HOXC5: variants seen among roughly 807,000 people sequenced by gnomAD.
HOXC5 encodes the protein homeobox C5.
In HOXC5, 19 loss-of-function variants were observed where a neutral mutation model predicts 20.1. The ratio of observed to expected loss-of-function variants is 0.94; its 90% CI spans 0.66 to 1.38. HOXC5 has a LOEUF of 1.38. Ranked by LOEUF, HOXC5 falls within the 40% of genes most tolerant of loss-of-function variation. The probability of loss-of-function intolerance (pLI) is 0.00; values close to 1 mark genes in which losing one functional copy is unlikely to be tolerated. For missense variants in HOXC5, 330 were observed against 300.1 expected (o/e 1.10, Z -0.74); for synonymous variants, 124 against 117.0 (o/e 1.06, Z -0.39).
the HOXC5 span, among the ~76,000 whole-genome samples, chr12:54,023,466 T>C: frequency 5.3e-5 from 8 of 152,154 alleles, no homozygotes; most frequent in Non-Finnish European, 1.0e-4. Context: ...TCCATATACC[T>C]TTCTTCTCCG....
upstream of HOXC5, among the ~76,000 whole-genome samples, chr12:54,029,208 C>G (rs1940872149): frequency 6.6e-6 from 1 of 152,022 alleles, no homozygotes; most frequent in African/African-American, 2.4e-5. Flanking sequence ...GGGGAGCCCC[C>G]CAAAGTGGAG....
chr12:54,019,880 C>G, the HOXC5 span: 1 of 152,202 alleles, frequency 6.6e-6, no homozygotes, highest in African/African-American at 2.4e-5. Flanking sequence ...CACCCCCATC[C>G]TATGCCCTTC....
At chr12:54,020,191 A>G in the HOXC5 span, 1 of 152,198 alleles carries the variant, frequency 6.6e-6, no homozygotes, top group Admixed American at 6.5e-5. Flanking sequence ...GTGATTATCT[A>G]ATAATAGCCA....
chr12:54,024,384 C>T, the HOXC5 span, among the ~76,000 whole-genome samples: 7 of 151,132 alleles, frequency 4.6e-5, no homozygotes, highest in Admixed American at 2.0e-4. Flanking sequence ...GTAGTTGCAG[C>T]GCGGCAGTCA....
chr12:54,028,267 A>ATTT (rs926541390), upstream of HOXC5: 6 of 75,596 alleles, frequency 7.9e-5, no homozygotes, highest in African/African-American at 2.3e-4. Flanking sequence ...ATATATATAT[A>ATTT]TTTTTTAAAA....
Position 54,033,437 on chromosome 12 carries a change from C to T in HOXC5, c.315C>T (p.Arg105=). 1 of 1,602,110 alleles carries T rather than the reference C, an allele frequency of 6.2e-7. No homozygotes were observed. The highest frequency in any genetic ancestry group is 8.5e-7 in the Non-Finnish European group (1 of 1,175,236). The change falls in exon 1 of 2, where the codon CGC becomes CGT. Residue 105 remains arginine, a synonymous_variant. Coordinates refer to ENST00000312492, the MANE Select transcript of HOXC5 (RefSeq NM_018953.4). Reference sequence around the variant, plus strand: ...GGATGTACAGTCAGAAGGCGGCTCGCCCGGCGCTGGAGGAGCGAGCTAAGA... The same window carrying T: ...GGATGTACAGTCAGAAGGCGGCTCGTCCGGCGCTGGAGGAGCGAGCTAAGA... ...NPGMYSQKAA[R]PALEERAKSS...
chr12:54,033,435 C>A lies in HOXC5; in HGVS notation c.313C>A (p.Arg105Ser). ...NPGMYSQKAA[R>S]PALEERAKSS... ...CGGGATGTACAGTCAGAAGGCGGCTCGCCCGGCGCTGGAGGAGCGAGCTAA... is the reference window on the plus strand; with the variant it reads ...CGGGATGTACAGTCAGAAGGCGGCTAGCCCGGCGCTGGAGGAGCGAGCTAA... Residue 105 changes from arginine to serine, a missense_variant, in exon 1 of 2, where the codon CGC (arginine) becomes AGC (serine). Physicochemically the swap from Arg to Ser is moderately radical, Grantham distance 110. Transcript: ENST00000312492. The A allele has an allele frequency of 6.2e-7, 1 of 1,602,564 alleles. No individual in the cohort carries two copies. The highest frequency in any genetic ancestry group is 1.3e-5 in the African/African-American group (1 of 74,864).
upstream of HOXC5, chr12:54,028,391 G>A (rs1246916499): frequency 2.0e-6 from 2 of 992,590 alleles, no homozygotes; most frequent in Non-Finnish European, 2.9e-6. Context: ...GGCTGGGAGG[G>A]GGTCAGCTGA....
chr12:54,030,656 AAG>A (rs1940951996), upstream of HOXC5: 2 of 152,694 alleles, frequency 1.3e-5, no homozygotes, highest in African/African-American at 4.8e-5. Flanking sequence ...AAGGAAAAAA[AAG>A]AGGGAAAATT....
the HOXC5 span, chr12:54,021,771 G>GCGC: frequency 2.0e-5 from 3 of 152,356 alleles, no homozygotes; most frequent in Admixed American, 6.5e-5. Flanking sequence ...CTCTGCCACG[G>GCGC]CGCCGCAGCC....
Position 54,034,390 on chromosome 12 carries a change from C to T in HOXC5, c.567C>T (p.Ala189=), listed in dbSNP as rs1941122907. The T allele has an allele frequency of 6.2e-7, 1 of 1,614,234 alleles. No homozygotes were observed. Among genetic ancestry groups the T allele is most frequent in the East Asian group, 2.2e-5 (1 of 44,888 alleles). ...YLTRRRRIEI[A]NNLCLNERQI... ...CTCGCCGCAGGCGCATAGAGATCGCCAACAACTTGTGTCTCAATGAGAGAC... is the reference window on the plus strand; with the variant it reads ...CTCGCCGCAGGCGCATAGAGATCGCTAACAACTTGTGTCTCAATGAGAGAC... The change falls in exon 2 of 2, where the codon GCC becomes GCT. Residue 189 remains alanine, a synonymous_variant. Transcript: ENST00000312492.
the HOXC5 span, among the ~76,000 whole-genome samples, chr12:54,024,239 G>C: frequency 6.6e-6 from 1 of 152,246 alleles, no homozygotes; most frequent in East Asian, 1.9e-4. Context: ...TGAGACTTGG[G>C]GGTGGTGGGG....
At chr12:54,029,500 TGG>T, upstream of HOXC5, 1 of 434,818 alleles carries the variant, frequency 2.3e-6, no homozygotes, top group South Asian at 2.5e-5. Context: ...GTACCCCCAG[TGG>T]GGGTGGGGCA....
At chr12:54,029,129 T>C (rs574940018), upstream of HOXC5, among the ~76,000 whole-genome samples, 2 of 150,080 alleles carry the variant, frequency 1.3e-5, no homozygotes, top group African/African-American at 2.5e-5. Context: ...CCCTGACGGA[T>C]TGGAGGGCCC....
chr12:54,019,301 T>C, the HOXC5 span, among the ~76,000 whole-genome samples: 1 of 151,376 alleles, frequency 6.6e-6, no homozygotes, highest in Non-Finnish European at 1.5e-5. Context: ...GCCCGCCGCC[T>C]GCTCAGGCTG....
chr12:54,021,860 G>A, the HOXC5 span: 3 of 152,332 alleles, frequency 2.0e-5, no homozygotes, highest in South Asian at 6.2e-4. Context: ...CCAAACCAGC[G>A]AACTCGCCCA....
At chr12:54,031,456 C>G (rs1940984623), upstream of HOXC5, among the ~76,000 whole-genome samples, 1 of 152,202 alleles carries the variant, frequency 6.6e-6, no homozygotes, top group Non-Finnish European at 1.5e-5. Context: ...GGACAAAATT[C>G]CTTCTTCATT....
chr12:54,031,149 G>C (rs1241284706), upstream of HOXC5, among the ~76,000 whole-genome samples: 1 of 152,270 alleles, frequency 6.6e-6, no homozygotes, highest in Non-Finnish European at 1.5e-5. Context: ...GTGGCAGCCG[G>C]TGTCCTCGGC....
chr12:54,032,777 A>T, upstream of HOXC5: 1 of 150,330 alleles, frequency 6.7e-6, no homozygotes. Context: ...TGTCCCGGCT[A>T]CCCCCAATTC....
Sources: gnomAD v4.1 joint callset for allele counts (sites outside exome capture counted in the v4.1 genomes callset) on GRCh38, gnomAD v4.1.1 for gene constraint, MANE v1.5 for transcripts, NCBI Gene and HGNC (gene_info 2026-07-23, HGNC 2026-07-21) for gene names.